Variants in KLHL5 observed in about 807,000 individuals in gnomAD.
KLHL5 encodes the protein kelch-like protein 5.
Under a neutral mutation model 77.7 loss-of-function variants are expected in KLHL5, and 48 were observed. That is an observed-to-expected ratio of 0.62 (90% CI 0.49 to 0.79). KLHL5 has a LOEUF of 0.79. Ranked by LOEUF, KLHL5 falls within the 30% of genes least tolerant of loss-of-function variation. The pLI is 0.00. For missense variants in KLHL5, 723 were observed against 859.7 expected (o/e 0.84, Z 1.99); for synonymous variants, 260 against 297.0 (o/e 0.88, Z 1.28).
At chr4:39,131,402 G>A (rs1275143679), downstream of KLHL5, among the ~76,000 whole-genome samples, 1 of 152,166 alleles carries the variant, frequency 6.6e-6, no homozygotes, top group African/African-American at 2.4e-5. Context: ...ATTTGTGAGA[G>A]TCTAAAATGG....
chr4:39,063,379 A>G (rs972969525), intron 1 of KLHL5, among the ~76,000 whole-genome samples: 1 of 152,168 alleles, frequency 6.6e-6, no homozygotes, highest in African/African-American at 2.4e-5. Context: ...AAAACTATAG[A>G]AGATATTTCT....
chr4:39,103,835 A>C (rs549756081), intron 7 of KLHL5, among the ~76,000 whole-genome samples: 2 of 32,712 alleles, frequency 6.1e-5, no homozygotes, highest in Non-Finnish European at 1.1e-4. Context: ...TTTTTTTTTA[A>C]TTAAAAAATT....
At chr4:39,133,155 C>T in the KLHL5 span, among the ~76,000 whole-genome samples, 20 of 152,156 alleles carry the variant, frequency 1.3e-4, no homozygotes, top group African/African-American at 4.6e-4. Context: ...TTTTCTTTGG[C>T]TTATCCAGCA....
chr4:39,047,143 C>T (rs980978235), intron 1 of KLHL5, among the ~76,000 whole-genome samples: 1 of 152,134 alleles, frequency 6.6e-6, no homozygotes, highest in Non-Finnish European at 1.5e-5. Flanking sequence ...ATTAGCTGGG[C>T]ACGGTGGCTC....
downstream of KLHL5, among the ~76,000 whole-genome samples, chr4:39,130,210 T>A (rs935041455): frequency 1.3e-5 from 2 of 152,174 alleles, no homozygotes; most frequent in African/African-American, 4.8e-5. Context: ...AGCAAGCCAG[T>A]CATTAGCATT....
At chr4:39,101,815 C>T (rs942399277) in intron 6 of KLHL5, among the ~76,000 whole-genome samples, 1 of 145,570 alleles carries the variant, frequency 6.9e-6, no homozygotes, top group African/African-American at 2.5e-5. Context: ...CACTGCACTC[C>T]AGCCTGGGTG....
intron 10 of KLHL5, among the ~76,000 whole-genome samples, chr4:39,118,945 G>A (rs1294587069): frequency 6.6e-6 from 1 of 152,166 alleles, no homozygotes; most frequent in Non-Finnish European, 1.5e-5. Flanking sequence ...ATGGAGGGAG[G>A]AAGGGATAAG....
intron 9 of KLHL5, among the ~76,000 whole-genome samples, chr4:39,114,543 G>T (rs1370842727): frequency 6.6e-6 from 1 of 152,196 alleles, no homozygotes; most frequent in African/African-American, 2.4e-5. Flanking sequence ...GAGAAAGCAG[G>T]AAAGTTACAA....
upstream of KLHL5, chr4:39,062,139 T>G: frequency 1.6e-6 from 1 of 614,374 alleles, no homozygotes; most frequent in Non-Finnish European, 2.0e-6. Flanking sequence ...AGTTTTAAAG[T>G]GATTATTTTT....
chr4:39,120,473 A>C (rs1008220577), intron 10 of KLHL5, among the ~76,000 whole-genome samples: 1 of 152,234 alleles, frequency 6.6e-6, no homozygotes, highest in Admixed American at 6.5e-5. Flanking sequence ...TCTGCTAAAA[A>C]GTAGTAGAAT....
rs948699310 is a variant in KLHL5 at position 39,122,126 on chromosome 4, T to G, written c.*1060T>G. The G allele has an allele frequency of 9.2e-5, 14 of 152,626 alleles. No homozygotes were observed. The highest frequency in any genetic ancestry group is 7.2e-4 in the Admixed American group (11 of 15,284). The allele number at this position is 152,626 out of a possible 1,614,324, so 9.5% of individuals were successfully genotyped here. ...TAAACTCTAATTACATATGTGAATG[T>G]TATTACTCTCAGTGAATTGTTATTG... On this transcript the variant is annotated 3_prime_UTR_variant, in exon 11 of 11. Transcript: ENST00000504108.
intron 1 of KLHL5, among the ~76,000 whole-genome samples, chr4:39,073,937 A>G (rs192993789): frequency 6.6e-6 from 1 of 151,790 alleles, no homozygotes; most frequent in Admixed American, 6.6e-5. Flanking sequence ...AAGTGCTGGG[A>G]TTATAGTACC....
At chr4:39,128,042 T>G (rs768109052), downstream of KLHL5, among the ~76,000 whole-genome samples, 2 of 152,068 alleles carry the variant, frequency 1.3e-5, no homozygotes, top group African/African-American at 2.4e-5. Context: ...AACTTTCTGA[T>G]CAATAAGGCA....
the KLHL5 span, among the ~76,000 whole-genome samples, chr4:39,143,054 C>A: frequency 6.6e-6 from 1 of 152,056 alleles, no homozygotes; most frequent in African/African-American, 2.4e-5. Flanking sequence ...CACACACACA[C>A]AAGTGCATAT....
the KLHL5 span, among the ~76,000 whole-genome samples, chr4:39,142,179 ACT>A: frequency 6.8e-4 from 104 of 152,234 alleles, no homozygotes; most frequent in African/African-American, 2.2e-3. Flanking sequence ...GTATATTCAA[ACT>A]CAACATTTTA....
At position 39,082,037 on chromosome 4, in the gene KLHL5, G is replaced by T. The variant is rs201411197; in HGVS notation, c.778G>T (p.Val260Leu). The T allele has an allele frequency of 1.9e-6, 3 of 1,613,842 alleles. No individual in the cohort carries two copies. Among genetic ancestry groups the T allele is most frequent in the Non-Finnish European group, 1.7e-6 (2 of 1,179,928 alleles). ...TTGCCTTCTTCAGCTTTCACAGGTT[G>T]TAGAAGCATGCTGTAAGTTTTTAAT... ...TACLLQLSQV[V>L]EACCKFLMKQ... The change falls in exon 4 of 11, where the codon GTA becomes TTA. Residue 260 changes from valine to leucine, a missense_variant. By Grantham distance (32) the Val-to-Leu change is conservative (BLOSUM62 1). Transcript: ENST00000504108.
At chr4:39,103,972 C>G (rs1312102701) in intron 7 of KLHL5, among the ~76,000 whole-genome samples, 2 of 49,524 alleles carry the variant, frequency 4.0e-5, no homozygotes, top group South Asian at 1.4e-3. Flanking sequence ...AAACATCTAT[C>G]TCAAAAAAAA....
chr4:39,115,430 A>G lies in KLHL5; in HGVS notation c.2073+100A>G, dbSNP rs774853005. On this transcript the variant is annotated intron_variant, in intron 10 of 10. Coordinates refer to ENST00000504108, the MANE Select transcript of KLHL5 (RefSeq NM_015990.5). ...TCAATCTTGTCCAATACTGAAATAT[A>G]TGGCATAAATATGACAATCACGTTT... 6.4e-6 allele frequency: 10 copies of G among 1,559,446 alleles called. No individual in the cohort carries two copies. The Admixed American group carries it at 1.2e-4, about 18-fold the overall frequency.
At chr4:39,091,505 C>T (rs1056332021) in intron 5 of KLHL5, among the ~76,000 whole-genome samples, 1 of 152,084 alleles carries the variant, frequency 6.6e-6, no homozygotes, top group Non-Finnish European at 1.5e-5. Flanking sequence ...AAGATTTTGA[C>T]ACCTAAATTA....
Sources: allele counts gnomAD v4.1 joint callset (sites outside exome capture counted in the v4.1 genomes callset), GRCh38; gene constraint gnomAD v4.1.1; transcripts MANE v1.5; gene names NCBI Gene and HGNC (gene_info 2026-07-23, HGNC 2026-07-21).